Variants in CDC42SE2 observed in about 807,000 individuals in gnomAD.
CDC42SE2 encodes the protein CDC42 small effector protein 2.
In CDC42SE2, 3 loss-of-function variants were observed where a neutral mutation model predicts 11.5. That is an observed-to-expected ratio of 0.26 (90% confidence interval 0.12 to 0.67). The LOEUF (loss-of-function observed/expected upper bound fraction) is 0.67. CDC42SE2 is among the 30% of genes least tolerant of loss of function. The pLI, the probability that CDC42SE2 is intolerant of heterozygous loss-of-function variation, is 0.80. For missense variants in CDC42SE2, 82 were observed against 106.8 expected (o/e 0.77, Z 1.02); for synonymous variants, 33 against 34.8 (o/e 0.95, Z 0.18).
intron 1 of CDC42SE2, among the ~76,000 whole-genome samples, chr5:131,311,700 C>G (rs914667855): frequency 1.6e-4 from 24 of 152,210 alleles, no homozygotes; most frequent in Non-Finnish European, 2.9e-4. Flanking sequence ...ATCTCATCTT[C>G]CATCGCTGAT....
At chr5:131,384,578 TATC>T (rs1350355519) in intron 3 of CDC42SE2, among the ~76,000 whole-genome samples, 2 of 152,052 alleles carry the variant, frequency 1.3e-5, no homozygotes, top group Non-Finnish European at 2.9e-5. Flanking sequence ...CCAATAACAT[TATC>T]ATATCTAAGG....
chr5:131,394,231 G>A lies in CDC42SE2; in HGVS notation c.*3140G>A, dbSNP rs1750782156. ...TTTGCTGAAATATATGCTAACAAAT[G>A]TTAAGCAAGGGAAACTGAAGACTTA... On this transcript the variant is annotated 3_prime_UTR_variant, in exon 5 of 5. Transcript: ENST00000505065. 1 of 152,312 alleles carries A rather than the reference G, an allele frequency of 6.6e-6. No homozygotes were observed. The highest frequency in any genetic ancestry group is 2.1e-4 in the South Asian group (1 of 4,830). 9.4% of individuals were successfully genotyped at this position (152,312 alleles called of 1,614,324 possible). A position where few individuals can be genotyped will look rare whatever the true frequency, so the allele number is the denominator to read the frequency against.
intron 1 of CDC42SE2, among the ~76,000 whole-genome samples, chr5:131,299,954 C>T (rs1757647739): frequency 6.6e-6 from 1 of 152,072 alleles, no homozygotes; most frequent in Admixed American, 6.6e-5. Context: ...TTATTTGATT[C>T]GAAGAGTAAA....
intron 1 of CDC42SE2, among the ~76,000 whole-genome samples, chr5:131,285,167 C>T (rs1757315589): frequency 6.6e-6 from 1 of 151,622 alleles, no homozygotes; most frequent in Non-Finnish European, 1.5e-5. Context: ...ACACCTTTGT[C>T]CCAGCAACTC....
intron 1 of CDC42SE2, among the ~76,000 whole-genome samples, chr5:131,268,688 G>T (rs994405973): frequency 6.6e-6 from 1 of 150,380 alleles, no homozygotes; most frequent in African/African-American, 2.5e-5. Flanking sequence ...CCGACTTCAG[G>T]TGATCTGCCT....
chr5:131,254,696 A>AAAG (rs10665829), intron 1 of CDC42SE2, among the ~76,000 whole-genome samples: 147,738 of 152,184 alleles, frequency 0.97, 71,731 homozygotes, highest in East Asian at 1. Flanking sequence ...TAGAAAGAAA[A>AAAG]AAGCTTATGT....
Position 131,392,430 on chromosome 5 carries a change from TTAGA to T in CDC42SE2, c.*1342_*1345del, listed in dbSNP as rs948094348. ...CTGCCATGGGCTGATGATGCTGCTA[TTAGA>T]TAAAGTTTAGCTGTGGCACCAAGTC... is the stretch of plus-strand genomic sequence containing the variant. On this transcript the variant is annotated 3_prime_UTR_variant, in exon 5 of 5. Transcript: ENST00000505065. The T allele has an allele frequency of 4.6e-5, 7 of 152,742 alleles. No homozygotes were observed. The highest frequency in any genetic ancestry group is 7.2e-5 in the African/African-American group (3 of 41,448). The allele number at this position is 152,742 out of a possible 1,614,324, so 9.5% of individuals were successfully genotyped here. A position where few individuals can be genotyped will look rare whatever the true frequency, so the allele number is the denominator to read the frequency against.
Position 131,359,388 on chromosome 5 carries a change from C to T in CDC42SE2, c.-106C>T, listed in dbSNP as rs749240526. 1.7e-5 allele frequency: 14 copies of T among 827,966 alleles called. No homozygotes were observed. The highest frequency in any genetic ancestry group is 3.0e-5 in the Non-Finnish European group (14 of 469,848). 51.3% of individuals were successfully genotyped at this position (827,966 alleles called of 1,614,324 possible). On this transcript the variant is annotated 5_prime_UTR_variant, in exon 3 of 5. Transcript: ENST00000505065. ...AAAACACGGTGAAATAATAAAATTT[C>T]ATCTTGGCATCACTGGACATCATCG... is the stretch of plus-strand genomic sequence containing the variant.
chr5:131,282,535 A>C (rs1330823897), intron 1 of CDC42SE2, among the ~76,000 whole-genome samples: 1 of 152,136 alleles, frequency 6.6e-6, no homozygotes, highest in Non-Finnish European at 1.5e-5. Flanking sequence ...ATTCTAAGGA[A>C]GTAACCTTTT....
chr5:131,371,782 G>A (rs1021502023), intron 3 of CDC42SE2, among the ~76,000 whole-genome samples: 10 of 152,218 alleles, frequency 6.6e-5, no homozygotes, highest in Non-Finnish European at 1.5e-5. Context: ...ACCCATGTTG[G>A]ATATAAAGTT....
the CDC42SE2 span, among the ~76,000 whole-genome samples, chr5:131,233,120 T>C: frequency 6.6e-6 from 1 of 152,084 alleles, no homozygotes; most frequent in Non-Finnish European, 1.5e-5. Context: ...ATATATTTTT[T>C]CCTTTCTCGT....
chr5:131,241,192 A>G (rs1040788440), upstream of CDC42SE2, among the ~76,000 whole-genome samples: 16 of 151,682 alleles, frequency 1.1e-4, no homozygotes, highest in Admixed American at 5.9e-4. Context: ...GTTAGCCAGG[A>G]TGGTCTCGAT....
chr5:131,348,746 A>G (rs1758920977), intron 2 of CDC42SE2, among the ~76,000 whole-genome samples: 2 of 147,010 alleles, frequency 1.4e-5, no homozygotes, highest in Admixed American at 1.3e-4. Flanking sequence ...AAACTATACT[A>G]CAAGGCTACA....
At chr5:131,255,486 C>T (rs985370865) in intron 2 of CDC42SE2, 11 of 152,052 alleles carry the variant, frequency 7.2e-5, no homozygotes, top group East Asian at 1.9e-4. Context: ...GCGAGAGAGC[C>T]GGGCGCAGTG....
intron 2 of CDC42SE2, among the ~76,000 whole-genome samples, chr5:131,356,243 A>C (rs935983574): frequency 5.9e-5 from 9 of 152,210 alleles, no homozygotes; most frequent in Non-Finnish European, 8.8e-5. Context: ...TCTGTTATCT[A>C]AAGATTTCAA....
intron 3 of CDC42SE2, among the ~76,000 whole-genome samples, chr5:131,378,453 G>C (rs1159805732): frequency 6.6e-6 from 1 of 152,108 alleles, no homozygotes; most frequent in Non-Finnish European, 1.5e-5. Context: ...AGAAATGCCT[G>C]GTTCCTAATT....
At chr5:131,324,692 T>A (rs569959046) in intron 2 of CDC42SE2, among the ~76,000 whole-genome samples, 8 of 152,224 alleles carry the variant, frequency 5.3e-5, no homozygotes, top group South Asian at 4.1e-4. Flanking sequence ...ACATTTTTTT[T>A]AAAAAGTCCA....
At chr5:131,248,945 A>G (rs1159047048) in intron 1 of CDC42SE2, among the ~76,000 whole-genome samples, 1 of 151,978 alleles carries the variant, frequency 6.6e-6, no homozygotes, top group East Asian at 1.9e-4. Context: ...CTTTAATGGA[A>G]CTTGATAAGA....
chr5:131,289,590 A>G (rs900970479), intron 1 of CDC42SE2, among the ~76,000 whole-genome samples: 1 of 151,758 alleles, frequency 6.6e-6, no homozygotes, highest in Non-Finnish European at 1.5e-5. Flanking sequence ...GGAGAATGGC[A>G]TGAACCCAGG....
Sources: gnomAD v4.1 joint callset for allele counts (sites outside exome capture counted in the v4.1 genomes callset) on GRCh38, gnomAD v4.1.1 for gene constraint, MANE v1.5 for transcripts, NCBI Gene and HGNC (gene_info 2026-07-23, HGNC 2026-07-21) for gene names.